The following CHCHD6 variants were observed in gnomAD, a reference collection of about 807,000 sequenced individuals.
CHCHD6 encodes the protein MICOS complex subunit MIC25.
A neutral mutation model predicts 32.3 loss-of-function variants in CHCHD6; 28 were observed. The observed-to-expected ratio is 0.87, with a 90% CI of 0.64 to 1.19. The LOEUF is 1.19. Among genes scored for constraint, CHCHD6 ranks in the 50% most tolerant of loss-of-function variants. The pLI is 0.00. For synonymous variants in CHCHD6, 122 were observed against 117.5 expected, an observed-to-expected ratio of 1.04 and a Z score of -0.25; for missense variants, 333 against 307.0, an observed-to-expected ratio of 1.08 and a Z score of -0.63.
At chr3:126,719,712 A>G (rs1935188435) in intron 1 of CHCHD6, among the ~76,000 whole-genome samples, 2 of 151,580 alleles carry the variant, frequency 1.3e-5, no homozygotes, top group African/African-American at 4.9e-5. Flanking sequence ...AAACTGAGGG[A>G]CTGTGTCACT....
intron 4 of CHCHD6, among the ~76,000 whole-genome samples, chr3:126,818,796 G>A (rs1018820161): frequency 5.9e-5 from 9 of 152,288 alleles, no homozygotes; most frequent in South Asian, 2.1e-4. Flanking sequence ...GTGAAATCTC[G>A]GTTCCTCCTG....
chr3:126,954,673 G>C (rs1340590681), intron 6 of CHCHD6, among the ~76,000 whole-genome samples: 1 of 152,220 alleles, frequency 6.6e-6, no homozygotes, highest in Non-Finnish European at 1.5e-5. Context: ...GGTGCAGCCA[G>C]GAACCAGGCT....
intron 6 of CHCHD6, among the ~76,000 whole-genome samples, chr3:126,934,785 A>G (rs1002632108): frequency 2.6e-5 from 4 of 151,736 alleles, no homozygotes; most frequent in Non-Finnish European, 5.9e-5. Flanking sequence ...TCCTGACCTC[A>G]TGATCCGCCC....
At chr3:126,932,782 A>G (rs1487045893) in intron 6 of CHCHD6, among the ~76,000 whole-genome samples, 1 of 152,156 alleles carries the variant, frequency 6.6e-6, no homozygotes, top group African/African-American at 2.4e-5. Flanking sequence ...AGCTGGGCAC[A>G]CTCAGTGCAC....
At chr3:126,926,714 A>T (rs545016083) in intron 6 of CHCHD6, among the ~76,000 whole-genome samples, 83 of 152,334 alleles carry the variant, frequency 5.4e-4, no homozygotes, top group Non-Finnish European at 1.0e-3. Flanking sequence ...TTCGAGATTC[A>T]TCCTGCAGGC....
At chr3:126,717,938 C>T (rs371629322) in intron 1 of CHCHD6, among the ~76,000 whole-genome samples, 1 of 152,154 alleles carries the variant, frequency 6.6e-6, no homozygotes, top group South Asian at 2.1e-4. Flanking sequence ...GAGAGAGTCT[C>T]TTCCTGGACT....
chr3:126,837,694 CCTGGTTGTTTCATGAGGTGTCA>C (rs1173254311), intron 4 of CHCHD6, among the ~76,000 whole-genome samples: 3 of 152,098 alleles, frequency 2.0e-5, no homozygotes, highest in Non-Finnish European at 4.4e-5. Context: ...TAGATTCATG[CCTGGTTGTTTCATGAGGTGTCA>C]CTGATTCTTG....
intron 6 of CHCHD6, among the ~76,000 whole-genome samples, chr3:126,950,577 A>G (rs912263317): frequency 1.3e-5 from 2 of 152,208 alleles, no homozygotes; most frequent in African/African-American, 4.8e-5. Flanking sequence ...CAGCCTCCCA[A>G]CTAACTGGGA....
chr3:126,943,373 G>T (rs557234166), intron 6 of CHCHD6, among the ~76,000 whole-genome samples: 62 of 152,238 alleles, frequency 4.1e-4, no homozygotes, highest in African/African-American at 1.5e-3. Flanking sequence ...CCTCTGCATG[G>T]CTGTGGGATG....
rs200472677 is a variant in CHCHD6, at chr3:126,723,521, A to AT, written c.88-3548dup. Among the ~76,000 whole-genome samples the AT allele has an allele frequency of 2.2e-4, 33 of 151,102 alleles. 1 individual carries two copies. Among genetic ancestry groups the AT allele is most frequent in the Middle Eastern group, 6.9e-3 (2 of 288 alleles). ...GCAACATTTATATTTGTATGTCTGC[A>AT]TTTTTTTTTGCAAAATTGAGATGTG... On this transcript the variant is annotated intron_variant, in intron 1 of 7. Transcript: ENST00000290913.
At position 126,710,657 on chromosome 3, in the gene CHCHD6, T is replaced by C. The variant is rs141330397; in HGVS notation, c.87+6258T>C. ...GTGTACAAGTCTTGTACTTCTTAAA[T>C]GTATTCCCAAGCATTTTATTATTTT... On this transcript the variant is annotated intron_variant, in intron 1 of 7. Transcript: ENST00000290913. 4.5e-3 allele frequency among the ~76,000 whole-genome samples: 688 copies of C among 152,340 alleles called. 3 individuals carry two copies. Among genetic ancestry groups the C allele is most frequent in the African/African-American group, 0.014 (573 of 41,580 alleles).
intron 4 of CHCHD6, among the ~76,000 whole-genome samples, chr3:126,847,494 A>C (rs1247976994): frequency 6.6e-6 from 1 of 152,134 alleles, no homozygotes. Flanking sequence ...GACAGAAATC[A>C]CTGTCTTTTA....
intron 4 of CHCHD6, among the ~76,000 whole-genome samples, chr3:126,785,951 A>T (rs1285142138): frequency 1.3e-5 from 2 of 152,196 alleles, no homozygotes; most frequent in East Asian, 3.9e-4. Flanking sequence ...TACATTAGGT[A>T]TATCTCCTAA....
chr3:126,903,921 G>T (rs2077968512), intron 5 of CHCHD6, among the ~76,000 whole-genome samples: 1 of 152,152 alleles, frequency 6.6e-6, no homozygotes, highest in Non-Finnish European at 1.5e-5. Context: ...TGGCTCCAGG[G>T]GATCCCATCC....
intron 4 of CHCHD6, among the ~76,000 whole-genome samples, chr3:126,742,963 T>C (rs1936342379): frequency 2.6e-5 from 4 of 151,746 alleles, no homozygotes. Flanking sequence ...ACCCTGGTAG[T>C]GGGGAGAAGG....
intron 5 of CHCHD6, among the ~76,000 whole-genome samples, chr3:126,887,500 C>T (rs1345631861): frequency 6.6e-6 from 1 of 152,144 alleles, no homozygotes; most frequent in African/African-American, 2.4e-5. Context: ...GCTTGGCTCT[C>T]ATGCAGGAGG....
Position 126,819,192 on chromosome 3 carries a change from TTGGTAACAAAC to T in CHCHD6, c.412-33453_412-33443del, listed in dbSNP as rs1559863004. Among the ~76,000 whole-genome samples, 4 of 152,238 alleles carry T rather than the reference TTGGTAACAAAC, an allele frequency of 2.6e-5. No individual in the cohort carries two copies. The South Asian group carries it at 8.3e-4, about 32-fold the overall frequency. ...GTTTCTGGCTTTTTTTCCAGATTGTTTGGTAACAAACTATGCTGAGACCAGGGGCAGGCACA... is the reference window on the plus strand; with the variant it reads ...GTTTCTGGCTTTTTTTCCAGATTGTTTATGCTGAGACCAGGGGCAGGCACA... On this transcript the variant is annotated intron_variant, in intron 4 of 7. Coordinates refer to ENST00000290913, the MANE Select transcript of CHCHD6 (RefSeq NM_032343.3).
intron 4 of CHCHD6, among the ~76,000 whole-genome samples, chr3:126,809,013 C>T (rs886907043): frequency 6.6e-6 from 1 of 151,896 alleles, no homozygotes; most frequent in African/African-American, 2.4e-5. Flanking sequence ...GCTCTGTTAC[C>T]TAGGCTGGAG....
chr3:126,914,887 C>G (rs2078147350), intron 6 of CHCHD6, 137 bp downstream of exon 6: 2 of 662,208 alleles, frequency 3.0e-6, no homozygotes, highest in Admixed American at 4.4e-5. Flanking sequence ...CCTCAGCTCT[C>G]TCACCTGGAT....
Sources: allele counts gnomAD v4.1 joint callset (sites outside exome capture counted in the v4.1 genomes callset), GRCh38; gene constraint gnomAD v4.1.1; transcripts MANE v1.5; gene names NCBI Gene and HGNC (gene_info 2026-07-23, HGNC 2026-07-21).